Variants in CA14 observed in about 807,000 individuals in gnomAD.
CA14 encodes the protein carbonic anhydrase 14.
In CA14, 44 loss-of-function variants were observed where a neutral mutation model predicts 48.8. The ratio of observed to expected loss-of-function variants is 0.90; its 90% CI spans 0.71 to 1.16. The LOEUF (loss-of-function observed/expected upper bound fraction) is 1.16. Among genes scored for constraint, CA14 ranks in the 50% most tolerant of loss-of-function variants. The pLI is 0.00. For missense variants in CA14, 386 were observed against 401.0 expected, an observed-to-expected ratio of 0.96 and a Z score of 0.32; for synonymous variants, 154 against 155.0, an observed-to-expected ratio of 0.99 and a Z score of 0.05.
At chr1:150,262,092 G>A (rs587702763) in intron 3 of CA14, 66 bp from the exon 4 acceptor site, 11 of 1,599,932 alleles carry the variant, frequency 6.9e-6, no homozygotes, top group African/African-American at 1.3e-5. Flanking sequence ...AAGAAGTGGT[G>A]GCAACCCAGG....
At chr1:150,262,481 G>A (rs782442845) in intron 4 of CA14, 44 bp from the exon 5 acceptor site, 1 of 1,538,690 alleles carries the variant, frequency 6.5e-7, no homozygotes, top group Admixed American at 1.7e-5. Flanking sequence ...GCCTTGAAGG[G>A]GGTGCAGACA....
chr1:150,258,109 G>C lies in CA14; in HGVS notation c.-20G>C. ...CTAGTCCTCAAATTCCCAGTCCCCT[G>C]CACCCCTTCCTGGGACACTATGTTG... On this transcript the variant is annotated 5_prime_UTR_variant, in exon 1 of 11. Transcript: ENST00000369111. 1 of 1,601,632 alleles carries C rather than the reference G, an allele frequency of 6.2e-7. No individual in the cohort carries two copies. Among genetic ancestry groups the C allele is most frequent in the Non-Finnish European group, 8.5e-7 (1 of 1,172,264 alleles).
rs781841180 is a variant in CA14 at position 150,263,665 on chromosome 1, C to T, written c.848C>T (p.Ser283Phe). The T allele has an allele frequency of 3.7e-6, 6 of 1,613,898 alleles. No individual in the cohort carries two copies. Among genetic ancestry groups the T allele is most frequent in the Non-Finnish European group, 5.1e-6 (6 of 1,179,940 alleles). Residue 283 changes from serine to phenylalanine, a missense_variant, in exon 9 of 11, where the codon TCC (serine) becomes TTC (phenylalanine). Transcript: ENST00000369111. ...CCATTTTCTTCTCTTACAGCAGGATCCTCGTATACCACAGGTAAGCCAGCC... is the reference window on the plus strand; with the variant it reads ...CCATTTTCTTCTCTTACAGCAGGATTCTCGTATACCACAGGTAAGCCAGCC... ...MVFASFIQAGSSYTTGEMLSL... is the reference protein window; with the variant it reads ...MVFASFIQAGFSYTTGEMLSL...
At chr1:150,261,268 A>T (rs111618163) in intron 2 of CA14, 191 bp from the exon 3 acceptor site, 1 of 583,740 alleles carries the variant, frequency 1.7e-6, no homozygotes, top group East Asian at 2.8e-5. Flanking sequence ...GAACTGCAGC[A>T]TGAGACTCAA....
In CA14 at chr1:150,258,601, C is replaced by A. The variant is rs782007915; in HGVS notation, c.55+418C>A. Among the ~76,000 whole-genome samples the A allele has an allele frequency of 1.4e-4, 21 of 152,298 alleles. 2 individuals are homozygous for A. The highest frequency in any genetic ancestry group is 3.4e-3 in the Middle Eastern group (1 of 294). ...ATGGGGGTAGGGGGAAGAATACTTC[C>A]TGCCCAACTCAGACCCTGATCTCCA... On this transcript the variant is annotated intron_variant, in intron 1 of 10. Coordinates refer to ENST00000369111, the MANE Select transcript of CA14 (RefSeq NM_012113.3).
In CA14 at chr1:150,264,772, T is replaced by C; in HGVS notation, c.*113T>C. 1 of 701,876 alleles carries C rather than the reference T, an allele frequency of 1.4e-6. No homozygotes were observed. The highest frequency in any genetic ancestry group is 2.4e-6 in the Non-Finnish European group (1 of 423,648). 43.5% of individuals were successfully genotyped at this position (701,876 alleles called of 1,614,324 possible). A position where few individuals can be genotyped will look rare whatever the true frequency, so the allele number is the denominator to read the frequency against. On this transcript the variant is annotated 3_prime_UTR_variant, in exon 11 of 11. Transcript: ENST00000369111. ...ACACTGTAGGAGTAGTAAGCAGATG[T>C]CCTCCTTCCCCTGGACATCTCCTAG... is the stretch of plus-strand genomic sequence containing the variant.
chr1:150,258,196 A>G lies in CA14; in HGVS notation c.55+13A>G, dbSNP rs782543383. 1.9e-6 allele frequency: 3 copies of G among 1,607,706 alleles called. No individual in the cohort carries two copies. The highest frequency in any genetic ancestry group is 2.7e-5 in the African/African-American group (2 of 74,878). On this transcript the variant is annotated intron_variant, in intron 1 of 10. Transcript: ENST00000369111. ...GCTGCAGATGGGGGTAGGTACAACTAAATGTCTGTGTGTGGATTTGTGCTG... is the reference window on the plus strand; with the variant it reads ...GCTGCAGATGGGGGTAGGTACAACTGAATGTCTGTGTGTGGATTTGTGCTG...
chr1:150,264,781 C>T lies in CA14; in HGVS notation c.*122C>T, dbSNP rs1560029999. 1.6e-6 allele frequency: 1 copy of T among 632,510 alleles called. No homozygotes were observed. Among genetic ancestry groups the T allele is most frequent in the Non-Finnish European group, 2.7e-6 (1 of 369,808 alleles). 39.2% of individuals were successfully genotyped at this position (632,510 alleles called of 1,614,324 possible). A position where few individuals can be genotyped will look rare whatever the true frequency, so the allele number is the denominator to read the frequency against. On this transcript the variant is annotated 3_prime_UTR_variant, in exon 11 of 11. Coordinates refer to ENST00000369111, the MANE Select transcript of CA14 (RefSeq NM_012113.3). ...GAGTAGTAAGCAGATGTCCTCCTTCCCCTGGACATCTCCTAGAGAGGAATG... is the reference window on the plus strand; with the variant it reads ...GAGTAGTAAGCAGATGTCCTCCTTCTCCTGGACATCTCCTAGAGAGGAATG...
intron 5 of CA14, 66 bp downstream of exon 5, chr1:150,262,686 G>C: frequency 7.0e-7 from 1 of 1,425,456 alleles, no homozygotes; most frequent in Non-Finnish European, 9.9e-7. Flanking sequence ...ACCTATTTCT[G>C]TTGCTGGCCT....
chr1:150,263,568 G>A lies in CA14; in HGVS notation c.842-91G>A, dbSNP rs187897693. On this transcript the variant is annotated intron_variant, in intron 8 of 10. Transcript: ENST00000369111. ...CCAACCCCCACCCCAGGGTGCCCCCGGGGGATTCTCCCAGGCACAGCAGCA... is the reference window on the plus strand; with the variant it reads ...CCAACCCCCACCCCAGGGTGCCCCCAGGGGATTCTCCCAGGCACAGCAGCA... The A allele has an allele frequency of 4.8e-4, 778 of 1,611,614 alleles. 3 individuals are homozygous for A. The highest frequency in any genetic ancestry group is 2.4e-3 in the Admixed American group (142 of 60,002).
Position 150,262,266 on chromosome 1 carries a change from A to G in CA14, c.365A>G (p.Glu122Gly). Residue 122 changes from glutamate to glycine, a missense_variant, in exon 4 of 11, where the codon GAA becomes GGA. Physicochemically the swap from Glu to Gly is moderately conservative, Grantham distance 98. Coordinates refer to ENST00000369111, the MANE Select transcript of CA14 (RefSeq NM_012113.3). ...WGQKGSPGGS[E>G]HQINSEATFA... ...CAGAAAGGATCCCCAGGGGGGTCAG[A>G]ACACCAGATCAACAGTGAAGCCACA... The G allele has an allele frequency of 6.2e-7, 1 of 1,609,960 alleles. No homozygotes were observed. Among genetic ancestry groups the G allele is most frequent in the Non-Finnish European group, 8.5e-7 (1 of 1,178,056 alleles).
At chr1:150,263,447 G>A (rs1651272629) in intron 8 of CA14, 28 bp downstream of exon 8, 2 of 1,612,320 alleles carry the variant, frequency 1.2e-6, no homozygotes, top group Non-Finnish European at 1.7e-6. Flanking sequence ...AGAAGAGATG[G>A]GAAACTGAGG....
intron 8 of CA14, 62 bp downstream of exon 8, chr1:150,263,481 G>A (rs1553848486): frequency 1.2e-6 from 2 of 1,607,834 alleles, no homozygotes; most frequent in Non-Finnish European, 1.7e-6. Context: ...AGGAACTAGG[G>A]AGCCAATGGG....
At chr1:150,260,777 TGACACAGAG>T (rs1650960806) in intron 2 of CA14, 2 of 156,214 alleles carry the variant, frequency 1.3e-5, no homozygotes, top group African/African-American at 2.5e-5. Flanking sequence ...TTTTTTTTTT[TGACACAGAG>T]TCTTGCTCTG....
At position 150,263,283 on chromosome 1, in the gene CA14, C is replaced by T. The variant is rs782101140; in HGVS notation, c.721-16C>T. On this transcript the variant is annotated splice_polypyrimidine_tract_variant and intron_variant, in intron 7 of 10. Transcript: ENST00000369111. ...ACTCCCCAAAGTAACACCTCTCCCA[C>T]GCTTCTGCTCCTCAGCTGGAAAAGC... The T allele has an allele frequency of 1.2e-5, 19 of 1,613,906 alleles. No homozygotes were observed. Among genetic ancestry groups the T allele is most frequent in the Middle Eastern group, 1.6e-4 (1 of 6,080 alleles).
At chr1:150,258,246 T>A in intron 1 of CA14, 63 bp downstream of exon 1, 1 of 1,387,630 alleles carries the variant, frequency 7.2e-7, no homozygotes, top group Admixed American at 1.8e-5. Context: ...CCAGGTGTGC[T>A]TAATGGGGGG....
intron 10 of CA14, 42 bp downstream of exon 10, chr1:150,263,920 T>C: frequency 7.2e-7 from 1 of 1,389,628 alleles, no homozygotes; most frequent in Non-Finnish European, 1.0e-6. Flanking sequence ...TTCTTCTTTT[T>C]TTTTTTTTTT....
intron 5 of CA14, 34 bp from the exon 6 acceptor site, chr1:150,262,770 C>A: frequency 6.5e-7 from 1 of 1,529,356 alleles, no homozygotes; most frequent in South Asian, 1.1e-5. Context: ...AACATGGACT[C>A]ATTCCAAACT....
At chr1:150,259,982 A>T (rs1051407428) in intron 1 of CA14, among the ~76,000 whole-genome samples, 169 bp from the exon 2 acceptor site, 3 of 152,098 alleles carry the variant, frequency 2.0e-5, no homozygotes, top group Non-Finnish European at 2.9e-5. Flanking sequence ...CGACCTTTCC[A>T]CAGAGGTGTC....
Sources: gnomAD v4.1 joint callset for allele counts (sites outside exome capture counted in the v4.1 genomes callset) on GRCh38, gnomAD v4.1.1 for gene constraint, MANE v1.5 for transcripts, NCBI Gene and HGNC (gene_info 2026-07-23, HGNC 2026-07-21) for gene names.